KIF13B: variants seen among roughly 807,000 people sequenced by gnomAD.
KIF13B encodes kinesin-like protein KIF13B.
KIF13B carries 127 observed loss-of-function variants against 222.0 expected under a neutral mutation model. That is an observed-to-expected ratio of 0.57 (90% CI 0.50 to 0.66). KIF13B has a LOEUF of 0.66. Ranked by LOEUF, KIF13B falls within the 30% of genes least tolerant of loss-of-function variation. The probability of loss-of-function intolerance (pLI) is 0.00; values close to 1 mark genes in which losing one functional copy is unlikely to be tolerated. For synonymous variants in KIF13B, 976 were observed against 919.0 expected, an observed-to-expected ratio of 1.06 and a Z score of -1.12; for missense variants, 2,173 against 2,379.0, an observed-to-expected ratio of 0.91 and a Z score of 1.80.
At position 29,085,532 on chromosome 8, in the gene KIF13B, A is replaced by AT. The variant is rs528139248; in HGVS notation, c.4458+7212dup. On this transcript the variant is annotated intron_variant, in intron 37 of 39. Transcript: ENST00000524189. ...CAGGTGTGTGTCACCACACCCACAT[A>AT]TTTTTTTTTTTAATTTTTAGTAGAG... 9.8e-4 allele frequency among the ~76,000 whole-genome samples: 143 copies of AT among 145,820 alleles called. 1 individual carries two copies. Among genetic ancestry groups the AT allele is most frequent in the South Asian group, 7.0e-3 (32 of 4,602 alleles).
chr8:29,213,225 T>C (rs1814312215), intron 2 of KIF13B, among the ~76,000 whole-genome samples: 1 of 152,192 alleles, frequency 6.6e-6, no homozygotes, highest in African/African-American at 2.4e-5. Context: ...GGAAAGAACA[T>C]GGCTTAGGAG....
chr8:29,136,134 A>G (rs1810545694), intron 21 of KIF13B, among the ~76,000 whole-genome samples: 1 of 152,196 alleles, frequency 6.6e-6, no homozygotes, highest in Non-Finnish European at 1.5e-5. Flanking sequence ...AACCAAACTG[A>G]GCAAACAATA....
In KIF13B at chr8:29,196,175, C is replaced by CT; in HGVS notation, c.162+11_162+12insA. On this transcript the variant is annotated intron_variant, in intron 3 of 39. Transcript: ENST00000524189. The stretch of plus-strand genomic sequence containing the variant: ...TCTTTACAAGCATCACATAACAAAC[C>CT]AAATCTCTTACCTTCGGCTGGCCCC... 6.4e-7 allele frequency: 1 copy of CT among 1,567,626 alleles called. No individual in the cohort carries two copies. Among genetic ancestry groups the CT allele is most frequent in the Non-Finnish European group, 8.7e-7 (1 of 1,155,020 alleles).
intron 2 of KIF13B, among the ~76,000 whole-genome samples, chr8:29,240,985 G>A (rs1039531797): frequency 7.2e-5 from 11 of 152,084 alleles, no homozygotes; most frequent in African/African-American, 2.7e-4. Flanking sequence ...AAATGAAAAC[G>A]GACGTCCACA....
chr8:29,112,053 A>G (rs1004516395), intron 32 of KIF13B, among the ~76,000 whole-genome samples: 2 of 152,248 alleles, frequency 1.3e-5, no homozygotes, highest in South Asian at 4.1e-4. Context: ...AAGATCCAGG[A>G]AAGAACTAGT....
At chr8:29,138,816 G>C (rs558068596) in intron 21 of KIF13B, among the ~76,000 whole-genome samples, 36 of 152,324 alleles carry the variant, frequency 2.4e-4, no homozygotes, top group African/African-American at 8.7e-4. Flanking sequence ...GCGAGTGAGA[G>C]AGCACGAGCA....
rs373841897 is a variant in KIF13B at position 29,160,769 on chromosome 8, G to A, written c.1368C>T (p.Asp456=). The change falls in exon 13 of 40, where the codon GAC becomes GAT. Residue 456 remains aspartate (D), a synonymous_variant. Transcript: ENST00000524189. The part of the protein sequence containing the change: ...DKCFLVNLNA[D]PALNELLVYY... ...ACACCAGAAGCTCATTCAGAGCTGGGTCAGCATTCAGATTCACAAGGAAGC... is the reference window on the plus strand; with the variant it reads ...ACACCAGAAGCTCATTCAGAGCTGGATCAGCATTCAGATTCACAAGGAAGC... 49 of 1,613,434 alleles carry A rather than the reference G, an allele frequency of 3.0e-5. No homozygotes were observed. The Middle Eastern group carries it at 8.2e-4, about 27-fold the overall frequency.
chr8:29,194,307 A>G (rs1319970440), intron 3 of KIF13B, among the ~76,000 whole-genome samples: 1 of 120,362 alleles, frequency 8.3e-6, no homozygotes, highest in Non-Finnish European at 1.8e-5. Flanking sequence ...TTTTTTTTTT[A>G]CTTGTCTTTC....
chr8:29,159,254 G>A (rs183782983), intron 13 of KIF13B, among the ~76,000 whole-genome samples: 28 of 152,158 alleles, frequency 1.8e-4, no homozygotes, highest in South Asian at 6.2e-4. Flanking sequence ...AGGTTCAAGC[G>A]ATTGGCCTGC....
Position 29,178,267 on chromosome 8 carries a change from T to G in KIF13B, c.721-689A>C, listed in dbSNP as rs373694818. On this transcript the variant is annotated intron_variant, in intron 8 of 39. Transcript: ENST00000524189. ...ATCAATAATCCTGAGACAAAACACTTGCAATTCTGACATAAAAAAAAAATC... is the reference window on the plus strand; with the variant it reads ...ATCAATAATCCTGAGACAAAACACTGGCAATTCTGACATAAAAAAAAAATC... Among the ~76,000 whole-genome samples the G allele has an allele frequency of 4.0e-5, 6 of 150,828 alleles. No individual in the cohort carries two copies. The South Asian group carries it at 8.3e-4, about 21-fold the overall frequency.
At chr8:29,183,472 G>A (rs1262181093) in intron 6 of KIF13B, among the ~76,000 whole-genome samples, 1 of 152,048 alleles carries the variant, frequency 6.6e-6, no homozygotes, top group Middle Eastern at 3.2e-3. Context: ...GTTTTTGGGT[G>A]GTTCTTTGAC....
chr8:29,160,675 C>T, intron 13 of KIF13B, 58 bp downstream of exon 13: 3 of 1,493,574 alleles, frequency 2.0e-6, no homozygotes, highest in Middle Eastern at 1.7e-4. Context: ...TACTAAAGTA[C>T]TGTGAAATAT....
chr8:29,255,632 G>A (rs1464376488), intron 1 of KIF13B, among the ~76,000 whole-genome samples: 4 of 151,808 alleles, frequency 2.6e-5, no homozygotes, highest in East Asian at 1.9e-4. Context: ...CTTCTACCTG[G>A]AGTTTCTCAG....
At chr8:29,075,569 T>C (rs1807518844) in intron 37 of KIF13B, among the ~76,000 whole-genome samples, 1 of 149,460 alleles carries the variant, frequency 6.7e-6, no homozygotes, top group Non-Finnish European at 1.5e-5. Context: ...ACACACATGG[T>C]GCACTTACAC....
intron 36 of KIF13B, 111 bp downstream of exon 36, chr8:29,099,022 G>C: frequency 1.2e-6 from 1 of 854,424 alleles, no homozygotes; most frequent in South Asian, 1.4e-5. Context: ...GAAACAACTC[G>C]ATGGACATTA....
chr8:29,202,185 A>G (rs1398597104), intron 2 of KIF13B, among the ~76,000 whole-genome samples: 1 of 152,216 alleles, frequency 6.6e-6, no homozygotes, highest in African/African-American at 2.4e-5. Context: ...GTAAGATGAG[A>G]GGAAGACAGG....
chr8:29,130,955 T>G (rs1182776804), intron 23 of KIF13B, among the ~76,000 whole-genome samples: 6 of 152,132 alleles, frequency 3.9e-5, no homozygotes, highest in Non-Finnish European at 8.8e-5. Context: ...TCTAATCAGA[T>G]GTACAGAAGC....
intron 1 of KIF13B, among the ~76,000 whole-genome samples, chr8:29,249,257 G>A (rs1427759885): frequency 2.0e-5 from 3 of 151,726 alleles, no homozygotes; most frequent in Non-Finnish European, 2.9e-5. Context: ...GTGAAACCCC[G>A]TCTCTACTAA....
intron 12 of KIF13B, 60 bp from the exon 13 acceptor site, chr8:29,160,927 G>T: frequency 3.5e-6 from 5 of 1,412,496 alleles, no homozygotes; most frequent in Non-Finnish European, 3.0e-6. Context: ...AGATATCCAA[G>T]CGTTTACATT....
Sources: allele counts gnomAD v4.1 joint callset (sites outside exome capture counted in the v4.1 genomes callset), GRCh38; gene constraint gnomAD v4.1.1; transcripts MANE v1.5; gene names NCBI Gene and HGNC (gene_info 2026-07-23, HGNC 2026-07-21).